The following SKAP2 variants were observed in gnomAD, a reference collection of about 807,000 sequenced individuals.
The protein encoded by SKAP2 is src kinase-associated phosphoprotein 2.
Under a neutral mutation model 54.9 loss-of-function variants are expected in SKAP2, and 28 were observed. That is an observed-to-expected ratio of 0.51 (90% CI 0.38 to 0.70). The LOEUF (loss-of-function observed/expected upper bound fraction) is 0.70. Ranked by LOEUF, SKAP2 falls within the 30% of genes least tolerant of loss-of-function variation. The pLI, the probability that SKAP2 is intolerant of heterozygous loss-of-function variation, is 0.00. For synonymous variants in SKAP2, 137 were observed against 134.3 expected (o/e 1.02, Z -0.14); for missense variants, 356 against 424.1 (o/e 0.84, Z 1.41).
chr7:26,753,782 C>T (rs943186616), intron 4 of SKAP2, among the ~76,000 whole-genome samples: 5 of 152,072 alleles, frequency 3.3e-5, no homozygotes, highest in Non-Finnish European at 7.4e-5. Context: ...CAGTCCTTGC[C>T]TTTGAGAAGC....
chr7:26,773,914 T>C (rs1310139290), intron 4 of SKAP2, among the ~76,000 whole-genome samples: 1 of 152,200 alleles, frequency 6.6e-6, no homozygotes, highest in Non-Finnish European at 1.5e-5. Context: ...CAATAAGGTA[T>C]GAAAGCCCAG....
intron 4 of SKAP2, among the ~76,000 whole-genome samples, chr7:26,779,077 A>G (rs1783372067): frequency 6.6e-6 from 1 of 151,988 alleles, no homozygotes. Context: ...TTTTAAAGAT[A>G]TTTTTCATAA....
At chr7:26,793,128 C>T (rs149384195) in intron 4 of SKAP2, among the ~76,000 whole-genome samples, 259 of 152,312 alleles carry the variant, frequency 1.7e-3, no homozygotes, top group African/African-American at 5.8e-3. Flanking sequence ...TACCTACCTG[C>T]TGTTTCTAGG....
intron 11 of SKAP2, among the ~76,000 whole-genome samples, chr7:26,671,781 T>C (rs1207778788): frequency 6.6e-6 from 1 of 152,048 alleles, no homozygotes; most frequent in East Asian, 1.9e-4. Flanking sequence ...AACCCAATGA[T>C]GGCTATAATC....
chr7:26,778,898 T>A (rs964361572), intron 4 of SKAP2, among the ~76,000 whole-genome samples: 1 of 151,944 alleles, frequency 6.6e-6, no homozygotes, highest in African/African-American at 2.4e-5. Context: ...ATCTTCACTG[T>A]CAACATCAAA....
chr7:26,860,329 T>C (rs1446425471), intron 1 of SKAP2, among the ~76,000 whole-genome samples: 3 of 152,198 alleles, frequency 2.0e-5, no homozygotes, highest in African/African-American at 7.2e-5. Context: ...TCATCTATAT[T>C]ATTTAGCCCA....
chr7:26,756,124 T>C (rs1461154839), intron 4 of SKAP2, among the ~76,000 whole-genome samples: 1 of 152,194 alleles, frequency 6.6e-6, no homozygotes, highest in Non-Finnish European at 1.5e-5. Context: ...CGATACTTGG[T>C]TGAAAAACAC....
intron 4 of SKAP2, among the ~76,000 whole-genome samples, chr7:26,797,022 G>A (rs1193099901): frequency 3.3e-5 from 5 of 152,180 alleles, no homozygotes; most frequent in Non-Finnish European, 7.4e-5. Flanking sequence ...GAAATCTGGA[G>A]GAGATAAAGA....
At chr7:26,723,067 C>T (rs1319153917) in intron 9 of SKAP2, among the ~76,000 whole-genome samples, 1 of 152,188 alleles carries the variant, frequency 6.6e-6, no homozygotes, top group Non-Finnish European at 1.5e-5. Flanking sequence ...TACTGCTCTT[C>T]CATTGTTCTA....
intron 4 of SKAP2, among the ~76,000 whole-genome samples, chr7:26,817,967 G>A (rs1784307553): frequency 1.3e-5 from 2 of 152,128 alleles, no homozygotes; most frequent in African/African-American, 2.4e-5. Context: ...AACATTCCAT[G>A]CTCATGGATA....
intron 4 of SKAP2, among the ~76,000 whole-genome samples, chr7:26,787,592 G>A (rs1406555177): frequency 3.3e-5 from 5 of 152,106 alleles, no homozygotes; most frequent in East Asian, 1.9e-4. Flanking sequence ...CTCCCAAAGC[G>A]TTGGGATTAC....
intron 4 of SKAP2, among the ~76,000 whole-genome samples, chr7:26,833,282 G>C (rs1784634864): frequency 6.6e-6 from 1 of 151,788 alleles, no homozygotes; most frequent in African/African-American, 2.4e-5. Flanking sequence ...TGTAGTCCCA[G>C]CTACTCAGGA....
intron 9 of SKAP2, among the ~76,000 whole-genome samples, chr7:26,700,716 C>T (rs1787001729): frequency 1.3e-5 from 2 of 152,224 alleles, no homozygotes. Flanking sequence ...TAAGATCACT[C>T]ATCCATAAAC....
intron 4 of SKAP2, among the ~76,000 whole-genome samples, chr7:26,766,829 T>C (rs550509969): frequency 3.9e-5 from 6 of 152,210 alleles, no homozygotes; most frequent in Non-Finnish European, 8.8e-5. Context: ...GACTTGATCA[T>C]GGTGGATAAG....
intron 4 of SKAP2, among the ~76,000 whole-genome samples, chr7:26,808,122 T>C (rs1377878848): frequency 6.6e-6 from 1 of 152,182 alleles, no homozygotes; most frequent in Non-Finnish European, 1.5e-5. Context: ...TAATCTGCTA[T>C]ACAGCAATAA....
chr7:26,862,720 T>C (rs1785295038), intron 1 of SKAP2, among the ~76,000 whole-genome samples: 1 of 152,102 alleles, frequency 6.6e-6, no homozygotes, highest in East Asian at 1.9e-4. Flanking sequence ...AAGGTTCTCA[T>C]GACCTACATA....
intron 9 of SKAP2, among the ~76,000 whole-genome samples, chr7:26,716,992 T>C (rs1037477272): frequency 6.6e-6 from 1 of 152,216 alleles, no homozygotes; most frequent in Non-Finnish European, 1.5e-5. Context: ...ATCTTTCCTG[T>C]GTATTCTCCA....
intron 9 of SKAP2, among the ~76,000 whole-genome samples, chr7:26,710,110 A>T (rs560891662): frequency 3.9e-5 from 6 of 152,120 alleles, no homozygotes; most frequent in African/African-American, 1.4e-4. Context: ...TACCTAATAG[A>T]CCCCTTTAAC....
At chr7:26,850,219 C>T (rs1785009664) in intron 3 of SKAP2, among the ~76,000 whole-genome samples, 2 of 151,996 alleles carry the variant, frequency 1.3e-5, no homozygotes, top group African/African-American at 4.8e-5. Flanking sequence ...TGCATGAAGC[C>T]TAAATTCGGG....
Sources: allele counts gnomAD v4.1 joint callset (sites outside exome capture counted in the v4.1 genomes callset), GRCh38; gene constraint gnomAD v4.1.1; transcripts MANE v1.5; gene names NCBI Gene and HGNC (gene_info 2026-07-23, HGNC 2026-07-21).